The following PSG4 variants were observed in gnomAD, a reference collection of about 807,000 sequenced individuals.
PSG4 encodes the protein pregnancy-specific beta-1-glycoprotein 4.
In PSG4, 61 loss-of-function variants were observed where a neutral mutation model predicts 44.3. That is an observed-to-expected ratio of 1.38 (90% CI 1.12 to 1.70). The LOEUF (loss-of-function observed/expected upper bound fraction) is 1.70. PSG4 is among the 40% of genes most tolerant of loss of function. The pLI is 0.00. For missense variants in PSG4, 677 were observed against 511.7 expected (o/e 1.32, Z -3.12); for synonymous variants, 248 against 191.3 (o/e 1.30, Z -2.45).
In PSG4 at chr19:43,203,934, G is replaced by C. The variant is rs148806470; in HGVS notation, c.382C>G (p.Arg128Gly). ...GSYTLHIIKR[R>G]DGTGGVTGHF... ...CCAGTTACTCCTCCAGTCCCATCGC[G>C]TCGCTTTATGATGTGTAAGGTGTAG... The change falls in exon 2 of 6, where the codon CGC becomes GGC. Residue 128 changes from arginine to glycine, a missense_variant. Coordinates refer to ENST00000405312, the MANE Select transcript of PSG4 (RefSeq NM_002780.5). 5 of 1,585,774 alleles carry C rather than the reference G, an allele frequency of 3.2e-6. 1 individual carries two copies. Among genetic ancestry groups the C allele is most frequent in the South Asian group, 2.2e-5 (2 of 89,688 alleles).
Position 43,193,660 on chromosome 19 carries a change from C to G in PSG4, c.1244-272G>C, listed in dbSNP as rs955330555. On this transcript the variant is annotated intron_variant, in intron 5 of 5. Coordinates refer to ENST00000405312, the MANE Select transcript of PSG4 (RefSeq NM_002780.5). ...TGCTCTAAGTTTTTATAAGGACTCT[C>G]AGATTAAACTTTTACAAAACCCTTG... 16 of 561,806 alleles carry G rather than the reference C, an allele frequency of 2.8e-5. No homozygotes were observed. The Admixed American group carries it at 5.3e-4, about 19-fold the overall frequency. 34.8% of individuals were successfully genotyped at this position (561,806 alleles called of 1,614,324 possible).
At chr19:43,205,034 T>A (rs1345472774) in intron 1 of PSG4, 1 of 224,992 alleles carries the variant, frequency 4.4e-6, no homozygotes, top group African/African-American at 2.7e-5. Context: ...ATTTTGACCC[T>A]CTGGTGTATT....
Position 43,204,344 on chromosome 19 carries a change from G to A in PSG4, c.65-93C>T. 4 of 1,387,122 alleles carry A rather than the reference G, an allele frequency of 2.9e-6. 1 individual carries two copies. Among genetic ancestry groups the A allele is most frequent in the Non-Finnish European group, 3.9e-6 (4 of 1,031,330 alleles). The allele number at this position is 1,387,122 out of a possible 1,614,324, so 85.9% of individuals were successfully genotyped here. On this transcript the variant is annotated intron_variant, in intron 1 of 5. Coordinates refer to ENST00000405312, the MANE Select transcript of PSG4 (RefSeq NM_002780.5). The stretch of plus-strand genomic sequence containing the variant: ...GAAGGTCTCTTCAATCCTCAGCCTT[G>A]AAGACACACAAACACACACATACAA...
intron 3 of PSG4, 111 bp from the exon 4 acceptor site, chr19:43,195,384 A>G: frequency 6.7e-7 from 1 of 1,489,440 alleles, no homozygotes; most frequent in South Asian, 1.3e-5. Flanking sequence ...CGAGTCCTTG[A>G]AAGCCAATAG....
At chr19:43,204,404 T>C in intron 1 of PSG4, 153 bp from the exon 2 acceptor site, 1 of 1,074,102 alleles carries the variant, frequency 9.3e-7, no homozygotes, top group Non-Finnish European at 1.3e-6. Context: ...TGAGTGTATG[T>C]GTGTGTGTCC....
rs1365301311 is a variant in PSG4, at chr19:43,204,400, T to G, written c.65-149A>C. The G allele has an allele frequency of 1.3e-5, 14 of 1,093,154 alleles. 2 individuals carry two copies. Among genetic ancestry groups the G allele is most frequent in the Non-Finnish European group, 1.8e-5 (14 of 783,980 alleles). The allele number at this position is 1,093,154 out of a possible 1,614,324, so 67.7% of individuals were successfully genotyped here. A position where few individuals can be genotyped will look rare whatever the true frequency, so the allele number is the denominator to read the frequency against. ...TACACACACTAAAGGGGCGTGAGTG[T>G]ATGTGTGTGTGTCCTACTGTCCCAC... On this transcript the variant is annotated intron_variant, in intron 1 of 5. Coordinates refer to ENST00000405312, the MANE Select transcript of PSG4 (RefSeq NM_002780.5).
At chr19:43,201,627 T>A (rs984745710) in intron 2 of PSG4, among the ~76,000 whole-genome samples, 1 of 144,736 alleles carries the variant, frequency 6.9e-6, no homozygotes, top group Non-Finnish European at 1.5e-5. Context: ...CATGATTCCA[T>A]CACCAAACAA....
intron 2 of PSG4, among the ~76,000 whole-genome samples, chr19:43,199,095 T>A (rs1327045251): frequency 6.8e-6 from 1 of 146,410 alleles, no homozygotes; most frequent in Admixed American, 6.8e-5. Context: ...AATGCAGAAC[T>A]GACTGGTGGA....
chr19:43,199,229 C>T (rs1459521212), intron 2 of PSG4, among the ~76,000 whole-genome samples: 1 of 145,456 alleles, frequency 6.9e-6, no homozygotes, highest in Non-Finnish European at 1.5e-5. Context: ...ATTCTACTCT[C>T]TGATTCTGAG....
At chr19:43,204,660 A>G in intron 1 of PSG4, 1 of 229,070 alleles carries the variant, frequency 4.4e-6, no homozygotes, top group Admixed American at 6.1e-5. Flanking sequence ...TCAACACCTG[A>G]TCTCACATTC....
chr19:43,193,676 A>G (rs1446227719), intron 5 of PSG4: 17 of 552,504 alleles, frequency 3.1e-5, no homozygotes, highest in Non-Finnish European at 5.4e-5. Flanking sequence ...AAACTTTTAC[A>G]AAACCCTTGA....
intron 5 of PSG4, 148 bp downstream of exon 5, chr19:43,194,192 A>G: frequency 6.5e-7 from 1 of 1,546,502 alleles, no homozygotes; most frequent in Non-Finnish European, 8.7e-7. Flanking sequence ...GTTCTTAGAC[A>G]AATTGGGAGT....
intron 2 of PSG4, among the ~76,000 whole-genome samples, chr19:43,200,207 C>T (rs113472291): frequency 1.4e-5 from 2 of 144,572 alleles, no homozygotes; most frequent in East Asian, 2.4e-4. Context: ...TGTCTGCCCA[C>T]GTGAAGAAAT....
chr19:43,197,155 G>T (rs1273933709), intron 3 of PSG4, among the ~76,000 whole-genome samples: 1 of 145,574 alleles, frequency 6.9e-6, no homozygotes. Flanking sequence ...TTAGTGTATA[G>T]TCTAAAGAAT....
At chr19:43,204,694 T>TCCTCCCCCC (rs1555724299) in intron 1 of PSG4, 1 of 150,366 alleles carries the variant, frequency 6.7e-6, no homozygotes, top group Non-Finnish European at 1.1e-5. Context: ...ATGTCTGTCT[T>TCCTCCCCCC]CCCCCCACGA....
rs939765110 is a variant in PSG4 at position 43,193,074 on chromosome 19, G to A, written c.*298C>T. 337 of 603,662 alleles carry A rather than the reference G, an allele frequency of 5.6e-4. 9 individuals are homozygous for A. The highest frequency in any genetic ancestry group is 8.7e-4 in the Non-Finnish European group (294 of 338,532). The allele number at this position is 603,662 out of a possible 1,614,324, so 37.4% of individuals were successfully genotyped here. The stretch of plus-strand genomic sequence containing the variant: ...AGTGAAAGAGGCAGGCATGAGCAAG[G>A]ACGGTTAAGAGGGGTGGGAGCCTTA... On this transcript the variant is annotated 3_prime_UTR_variant, in exon 6 of 6. Coordinates refer to ENST00000405312, the MANE Select transcript of PSG4 (RefSeq NM_002780.5).
At chr19:43,202,112 C>G (rs1221029530) in intron 2 of PSG4, among the ~76,000 whole-genome samples, 1 of 145,568 alleles carries the variant, frequency 6.9e-6, no homozygotes, top group Non-Finnish European at 1.5e-5. Context: ...AACAGCCAGA[C>G]TAGTCAGAGG....
Position 43,194,458 on chromosome 19 carries a change from T to C in PSG4, c.1125A>G (p.Ser375=). 3.7e-6 allele frequency: 6 copies of C among 1,612,534 alleles called. No individual in the cohort carries two copies. The highest frequency in any genetic ancestry group is 1.3e-5 in the African/African-American group (1 of 74,698). The part of the protein sequence containing the change: ...SWTINGKFQL[S]GQKLSIPQIT... ...TTTGGGGGATAGAGAGCTTTTGTCC[T>C]GATAGCTGAAACTTCCCATTAATTG... Residue 375 remains serine (S), a synonymous_variant, in exon 5 of 6, where the codon TCA becomes TCG. Coordinates refer to ENST00000405312, the MANE Select transcript of PSG4 (RefSeq NM_002780.5).
Position 43,195,184 on chromosome 19 carries a change from T to C in PSG4, c.799A>G (p.Lys267Glu), listed in dbSNP as rs1058718. Residue 267 changes from lysine (K) to glutamate (E), a missense_variant, in exon 4 of 6, where the codon AAG (lysine) becomes GAG (glutamate). Coordinates refer to ENST00000405312, the MANE Select transcript of PSG4 (RefSeq NM_002780.5). ...AGCCACCAAATGTAGGTGTAGTTCT[T>C]ACTCTTAGGTTCACAGGTGAAGGTT... is the stretch of plus-strand genomic sequence containing the variant. ...VLTFTCEPKS[K>E]NYTYIWWLNG... is the part of the protein sequence containing the mutation. 1,038,591 of 1,586,292 alleles carry C rather than the reference T, an allele frequency of 0.65. 353,147 individuals carry two copies. Among genetic ancestry groups the C allele is most frequent in the East Asian group, 0.95 (42,726 of 44,856 alleles).
Sources: allele counts gnomAD v4.1 joint callset (sites outside exome capture counted in the v4.1 genomes callset), GRCh38; gene constraint gnomAD v4.1.1; transcripts MANE v1.5; gene names NCBI Gene and HGNC (gene_info 2026-07-23, HGNC 2026-07-21).